PCED1B: variants seen among roughly 807,000 people sequenced by gnomAD.
The protein encoded by PCED1B is PC-esterase domain containing 1B.
For missense variants in PCED1B, 573 were observed against 573.9 expected (o/e 1.00, Z 0.02); for synonymous variants, 251 against 246.1 (o/e 1.02, Z -0.19).
chr12:47,140,857 A>G (rs1181642786), intron 2 of PCED1B, among the ~76,000 whole-genome samples: 1 of 152,216 alleles, frequency 6.6e-6, no homozygotes, highest in Non-Finnish European at 1.5e-5. Context: ...AGATATGTTT[A>G]CCTGCTGAAT....
intron 2 of PCED1B, among the ~76,000 whole-genome samples, chr12:47,214,336 C>G (rs1484401375): frequency 3.3e-5 from 5 of 152,110 alleles, no homozygotes; most frequent in African/African-American, 1.2e-4. Flanking sequence ...ACATAAATAG[C>G]ATACTATTAA....
At chr12:47,120,926 G>A (rs1289611764) in intron 2 of PCED1B, among the ~76,000 whole-genome samples, 1 of 152,184 alleles carries the variant, frequency 6.6e-6, no homozygotes, top group African/African-American at 2.4e-5. Context: ...CAATTTATGT[G>A]AAATGTTCTT....
At chr12:47,217,120 A>G (rs977587976) in intron 3 of PCED1B, among the ~76,000 whole-genome samples, 3 of 152,146 alleles carry the variant, frequency 2.0e-5, no homozygotes, top group Non-Finnish European at 4.4e-5. Flanking sequence ...TAGAATATGT[A>G]GTCCAGGTGC....
chr12:47,155,945 T>C (rs763664325), intron 2 of PCED1B, among the ~76,000 whole-genome samples: 15 of 152,042 alleles, frequency 9.9e-5, no homozygotes, highest in Non-Finnish European at 1.9e-4. Flanking sequence ...GGAGAAGGGG[T>C]GGCTATTCAT....
intron 1 of PCED1B, among the ~76,000 whole-genome samples, chr12:47,083,965 T>C (rs1697425982): frequency 2.0e-5 from 3 of 152,204 alleles, no homozygotes; most frequent in Non-Finnish European, 2.9e-5. Context: ...AAATTCACCA[T>C]TGTAACAATT....
chr12:47,108,295 A>G (rs1939045861), intron 2 of PCED1B, among the ~76,000 whole-genome samples: 1 of 152,228 alleles, frequency 6.6e-6, no homozygotes, highest in Non-Finnish European at 1.5e-5. Flanking sequence ...GTGCTGATTT[A>G]GAAGCTGCCC....
chr12:47,102,367 T>C (rs1938745019), intron 1 of PCED1B, among the ~76,000 whole-genome samples: 1 of 152,226 alleles, frequency 6.6e-6, no homozygotes, highest in Non-Finnish European at 1.5e-5. Context: ...ATCATGTCTT[T>C]ACTTGTAATA....
intron 2 of PCED1B, among the ~76,000 whole-genome samples, chr12:47,171,608 G>A (rs1226119592): frequency 6.6e-6 from 1 of 152,122 alleles, no homozygotes; most frequent in Admixed American, 6.5e-5. Flanking sequence ...AGATGGAATA[G>A]GAGGATGATA....
chr12:47,123,100 A>T (rs573372439), intron 2 of PCED1B, among the ~76,000 whole-genome samples: 1 of 152,330 alleles, frequency 6.6e-6, no homozygotes, highest in Non-Finnish European at 1.5e-5. Flanking sequence ...TAGCATAATT[A>T]CATGGTTATG....
At chr12:47,189,831 T>C (rs1942388230) in intron 2 of PCED1B, among the ~76,000 whole-genome samples, 1 of 152,210 alleles carries the variant, frequency 6.6e-6, no homozygotes. Flanking sequence ...ACTAACAAAA[T>C]GCATATCCTT....
intron 2 of PCED1B, among the ~76,000 whole-genome samples, chr12:47,202,792 T>C (rs1225496278): frequency 6.6e-6 from 1 of 151,934 alleles, no homozygotes; most frequent in Non-Finnish European, 1.5e-5. Flanking sequence ...TATTCCCTCA[T>C]GAAGTAATCT....
chr12:47,083,810 T>G (rs1057180655), intron 1 of PCED1B, among the ~76,000 whole-genome samples: 2 of 152,098 alleles, frequency 1.3e-5, no homozygotes, highest in Non-Finnish European at 2.9e-5. Context: ...GTACTGCATG[T>G]CCTCCCCAGG....
intron 1 of PCED1B, among the ~76,000 whole-genome samples, chr12:47,102,708 G>A (rs1188843432): frequency 1.3e-5 from 2 of 152,190 alleles, no homozygotes; most frequent in African/African-American, 2.4e-5. Context: ...CTTGGTGTGT[G>A]AAATGGTAAT....
At chr12:47,183,854 G>A (rs2137616295) in intron 2 of PCED1B, among the ~76,000 whole-genome samples, 1 of 152,228 alleles carries the variant, frequency 6.6e-6, no homozygotes, top group South Asian at 2.1e-4. Context: ...GATAACTACA[G>A]AATCTCTGAT....
At position 47,235,239 on chromosome 12, in the gene PCED1B, A is replaced by G; in HGVS notation, c.176A>G (p.Asp59Gly). ...AGGGGGGAGCTGAACTTCGAACAAG[A>G]TGAGCTGGTGGACGGAGGCCAGCGG... The part of the protein sequence containing the change: ...RARGELNFEQ[D>G]ELVDGGQRGH... Residue 59 changes from aspartate to glycine, a missense_variant, in exon 4 of 4, where the codon GAT (aspartate) becomes GGT (glycine). Physicochemically the swap from Asp to Gly is moderately conservative, Grantham distance 94 (BLOSUM62 -1). Transcript: ENST00000546455. 1 of 1,612,852 alleles carries G rather than the reference A, an allele frequency of 6.2e-7. No homozygotes were observed. Among genetic ancestry groups the G allele is most frequent in the South Asian group, 1.1e-5 (1 of 90,928 alleles).
intron 2 of PCED1B, among the ~76,000 whole-genome samples, chr12:47,178,753 G>T (rs1942004218): frequency 6.6e-6 from 1 of 151,686 alleles, no homozygotes; most frequent in Non-Finnish European, 1.5e-5. Context: ...TGTAATCCCA[G>T]CTACTCAGGA....
At chr12:47,165,510 T>C (rs1941517044) in intron 2 of PCED1B, among the ~76,000 whole-genome samples, 3 of 152,234 alleles carry the variant, frequency 2.0e-5, no homozygotes, top group Non-Finnish European at 2.9e-5. Flanking sequence ...AGAACATATA[T>C]TATTTATTGT....
intron 1 of PCED1B, among the ~76,000 whole-genome samples, chr12:47,086,360 T>TAAAAA (rs3045485): frequency 3.5e-4 from 33 of 95,502 alleles, no homozygotes; most frequent in African/African-American, 1.4e-3. Flanking sequence ...GTGCTTATGG[T>TAAAAA]AAAAAAAAAA....
intron 1 of PCED1B, among the ~76,000 whole-genome samples, chr12:47,100,470 A>G (rs1190843684): frequency 3.3e-5 from 5 of 152,194 alleles, no homozygotes; most frequent in African/African-American, 1.2e-4. Context: ...GAATTCTTGC[A>G]TTTAAAGCAC....
Sources: gnomAD v4.1 joint callset for allele counts (sites outside exome capture counted in the v4.1 genomes callset) on GRCh38, gnomAD v4.1.1 for gene constraint, MANE v1.5 for transcripts, NCBI Gene and HGNC (gene_info 2026-07-23, HGNC 2026-07-21) for gene names.